The following ZFP64 variants were observed in gnomAD, a reference collection of about 807,000 sequenced individuals.
ZFP64 encodes the protein zinc finger protein 64.
Under a neutral mutation model 51.6 loss-of-function variants are expected in ZFP64, and 14 were observed. The ratio of observed to expected loss-of-function variants is 0.27; its 90% CI spans 0.18 to 0.42. The LOEUF is 0.42. Ranked by LOEUF, ZFP64 falls within the 10% of genes least tolerant of loss-of-function variation. The pLI is 1.00. For synonymous variants in ZFP64, 375 were observed against 361.4 expected (o/e 1.04, Z -0.43); for missense variants, 754 against 906.8 (o/e 0.83, Z 2.16).
chr20:52,100,120 A>T (rs886557784), intron 5 of ZFP64, among the ~76,000 whole-genome samples: 2 of 152,058 alleles, frequency 1.3e-5, no homozygotes, highest in Admixed American at 6.5e-5. Context: ...CAGTCTCCCA[A>T]CGGGGACTAC....
At position 52,186,816 on chromosome 20, in the gene ZFP64, C is replaced by A. The variant is rs371035488; in HGVS notation, c.286+16G>T. 6.3e-7 allele frequency: 1 copy of A among 1,590,888 alleles called. No homozygotes were observed. The highest frequency in any genetic ancestry group is 8.6e-7 in the Non-Finnish European group (1 of 1,161,696). ...CCAGGCCAATTCTGGCCGACTCCCC[C>A]ATGCTCCAGCTGTACCTGTGATTGT... On this transcript the variant is annotated intron_variant, in intron 2 of 5. Transcript: ENST00000216923.
chr20:52,130,712 C>G (rs1979683447), intron 5 of ZFP64, among the ~76,000 whole-genome samples: 2 of 152,032 alleles, frequency 1.3e-5, no homozygotes, highest in South Asian at 2.1e-4. Flanking sequence ...AATCTCTAGC[C>G]CCTAGTTGTT....
intron 8 of ZFP64, among the ~76,000 whole-genome samples, chr20:52,086,397 TGATTA>T (rs559124182): frequency 6.6e-6 from 1 of 152,196 alleles, no homozygotes; most frequent in Non-Finnish European, 1.5e-5. Context: ...ACTTGCTTCT[TGATTA>T]GACTGTGTTT....
downstream of ZFP64, among the ~76,000 whole-genome samples, chr20:52,150,615 A>G (rs1380959984): frequency 1.3e-5 from 2 of 152,234 alleles, no homozygotes; most frequent in Non-Finnish European, 2.9e-5. Flanking sequence ...TATGGCAAAT[A>G]TAGCAAGTCA....
At chr20:52,128,936 C>T (rs557631206) in intron 5 of ZFP64, among the ~76,000 whole-genome samples, 26 of 151,680 alleles carry the variant, frequency 1.7e-4, no homozygotes, top group Admixed American at 1.5e-3. Context: ...TTTTCTGAGA[C>T]GGAGTCTCAT....
intron 2 of ZFP64, among the ~76,000 whole-genome samples, chr20:52,178,527 A>G (rs898430534): frequency 1.3e-5 from 2 of 152,196 alleles, no homozygotes; most frequent in African/African-American, 4.8e-5. Flanking sequence ...CAATCACCAC[A>G]TAGTTTGTCT....
chr20:52,152,164 G>T lies in ZFP64; in HGVS notation c.2028C>A (p.Ala676=). 6.2e-7 allele frequency: 1 copy of T among 1,613,890 alleles called. No individual in the cohort carries two copies. The highest frequency in any genetic ancestry group is 1.1e-5 in the South Asian group (1 of 91,066). Residue 676 remains alanine, a synonymous_variant, in exon 6 of 6, where the codon GCC becomes GCA. Transcript: ENST00000216923. ...GAAHPALLCP[A]DSIPD ...TTAAGCACTAATCTGGAATGGAGTC[G>T]GCGGGACAGAGCAAAGCTGGATGGG...
At chr20:52,102,107 C>CCAAAAA (rs551838560) in intron 5 of ZFP64, among the ~76,000 whole-genome samples, 1 of 63,424 alleles carries the variant, frequency 1.6e-5, no homozygotes, top group African/African-American at 6.8e-5. Flanking sequence ...ACTCCATCTC[C>CCAAAAA]AAAAAAAAAA....
intron 5 of ZFP64, among the ~76,000 whole-genome samples, chr20:52,141,634 A>G (rs1038939848): frequency 6.6e-6 from 1 of 152,118 alleles, no homozygotes; most frequent in Admixed American, 6.5e-5. Context: ...ACTTGAATGG[A>G]TGAGGAATTT....
rs1446069135 is a variant in ZFP64, at chr20:52,119,074, G to C, written c.764-20487C>G. ...GCAGGAGGATTGCTTGAGCCTGGGA[G>C]CTGGAGGCTGCAATGAACTATGATC... On this transcript the variant is annotated intron_variant, in intron 5 of 8. Coordinates refer to the ZFP64 transcript ENST00000361387. Among the ~76,000 whole-genome samples the C allele has an allele frequency of 3.9e-5, 6 of 152,158 alleles. No homozygotes were observed. In the East Asian group the frequency reaches 1.2e-3, roughly 29 times the overall value.
chr20:52,149,374 C>T (rs6096797), downstream of ZFP64, among the ~76,000 whole-genome samples: 25,513 of 151,310 alleles, frequency 0.17, 2,303 homozygotes, highest in Non-Finnish European at 0.21. Flanking sequence ...AGCAAGATGA[C>T]GGACTAAAGC....
At chr20:52,104,650 T>G (rs1385700682) in intron 5 of ZFP64, 3 of 470,708 alleles carry the variant, frequency 6.4e-6, no homozygotes, top group Admixed American at 4.7e-5. Context: ...TTCCCCCGGG[T>G]ACCTGCACAG....
Position 52,151,653 on chromosome 20 carries a change from G to A in ZFP64, c.*493C>T. ...AACAGTTATAATGCGACGATTCAGA[G>A]GTGGTCTCAAAGTTGTTACAGTGTT... On this transcript the variant is annotated 3_prime_UTR_variant, in exon 6 of 6. Transcript: ENST00000216923. 1 of 990,798 alleles carries A rather than the reference G, an allele frequency of 1.0e-6. No individual in the cohort carries two copies. Among genetic ancestry groups the A allele is most frequent in the African/African-American group, 1.7e-5 (1 of 57,352 alleles). 61.4% of individuals were successfully genotyped at this position (990,798 alleles called of 1,614,324 possible).
rs142204881 is a variant in ZFP64, at chr20:52,117,329, C to T, written c.764-18742G>A. Among the ~76,000 whole-genome samples, 46 of 151,944 alleles carry T rather than the reference C, an allele frequency of 3.0e-4. No individual in the cohort carries two copies. The East Asian group carries it at 8.4e-3, about 28-fold the overall frequency. On this transcript the variant is annotated intron_variant, in intron 5 of 8. Transcript: ENST00000361387. ...TCAGAATCTGCATTTTAAAAAGATC[C>T]CCAGGTGAGCTGGGCATGGTGGCTC... is the stretch of plus-strand genomic sequence containing the variant.
downstream of ZFP64, among the ~76,000 whole-genome samples, chr20:52,147,383 A>G (rs1600752046): frequency 6.6e-6 from 1 of 152,184 alleles, no homozygotes; most frequent in African/African-American, 2.4e-5. Context: ...GGAGTGGTGT[A>G]TATTACATTG....
chr20:52,159,663 C>A (rs1981610723), intron 5 of ZFP64, among the ~76,000 whole-genome samples: 1 of 151,686 alleles, frequency 6.6e-6, no homozygotes, highest in African/African-American at 2.4e-5. Flanking sequence ...CCAGCCTGAC[C>A]AATATGGCAA....
At chr20:52,114,897 A>C (rs1349268827) in intron 5 of ZFP64, among the ~76,000 whole-genome samples, 1 of 152,186 alleles carries the variant, frequency 6.6e-6, no homozygotes, top group Non-Finnish European at 1.5e-5. Context: ...GTTTAGCCAG[A>C]TCATGAAATA....
intron 5 of ZFP64, among the ~76,000 whole-genome samples, chr20:52,116,604 T>A (rs901353338): frequency 6.6e-6 from 1 of 152,156 alleles, no homozygotes; most frequent in Non-Finnish European, 1.5e-5. Context: ...GAATATTTTT[T>A]ATGATATATT....
intron 5 of ZFP64, chr20:52,110,835 C>T (rs1568952184): frequency 8.7e-6 from 14 of 1,604,142 alleles, no homozygotes; most frequent in Non-Finnish European, 9.4e-6. Flanking sequence ...CCATGTTCAG[C>T]TTGTCACCAT....
Sources: gnomAD v4.1 joint callset for allele counts (sites outside exome capture counted in the v4.1 genomes callset) on GRCh38, gnomAD v4.1.1 for gene constraint, MANE v1.5 for transcripts, NCBI Gene and HGNC (gene_info 2026-07-23, HGNC 2026-07-21) for gene names.